ARMC9: variants seen among roughly 807,000 people sequenced by gnomAD.
ARMC9 encodes the protein armadillo repeat containing 9.
In ARMC9, 94 loss-of-function variants were observed where a neutral mutation model predicts 107.0. That is an observed-to-expected ratio of 0.88 (90% CI 0.74 to 1.04). The LOEUF is 1.04. Ranked by LOEUF, ARMC9 falls within the 50% of genes least tolerant of loss-of-function variation. The probability of loss-of-function intolerance (pLI) is 0.00; values close to 1 mark genes in which losing one functional copy is unlikely to be tolerated. For missense variants in ARMC9, 942 were observed against 1,030.1 expected (o/e 0.91, Z 1.17); for synonymous variants, 380 against 396.9 (o/e 0.96, Z 0.51).
intron 1 of ARMC9, among the ~76,000 whole-genome samples, chr2:231,203,385 G>A (rs1038552786): frequency 6.6e-6 from 1 of 152,116 alleles, no homozygotes; most frequent in African/African-American, 2.4e-5. Context: ...TCTGCAGATT[G>A]TGCCTCTTCT....
rs1272533444 is a variant in ARMC9 at position 231,306,539 on chromosome 2, AG to A, written c.1773+10287del. Among the ~76,000 whole-genome samples the A allele has an allele frequency of 2.0e-5, 3 of 152,214 alleles. No individual in the cohort carries two copies. In the East Asian group the frequency reaches 5.8e-4, roughly 29 times the overall value. On this transcript the variant is annotated intron_variant, in intron 19 of 24. Transcript: ENST00000611582. The stretch of plus-strand genomic sequence containing the variant: ...GAAAAATGTGGCTGTTGGTCACATT[AG>A]TGCTATAATGGAATTGTAATGAAAC...
intron 10 of ARMC9, among the ~76,000 whole-genome samples, chr2:231,257,908 C>T (rs559312878): frequency 6.6e-6 from 1 of 152,100 alleles, no homozygotes; most frequent in Non-Finnish European, 1.5e-5. Flanking sequence ...TAAAACAAAA[C>T]GTGAAGACGC....
chr2:231,323,464 G>A (rs1189675209), intron 19 of ARMC9, among the ~76,000 whole-genome samples: 1 of 152,168 alleles, frequency 6.6e-6, no homozygotes, highest in African/African-American at 2.4e-5. Flanking sequence ...AGGTGTTACT[G>A]GGAACGGTTG....
chr2:231,370,001 A>G lies in ARMC9; in HGVS notation c.2310A>G (p.Pro770=). 1 of 1,534,698 alleles carries G rather than the reference A, an allele frequency of 6.5e-7. No individual in the cohort carries two copies. Among genetic ancestry groups the G allele is most frequent in the Non-Finnish European group, 8.7e-7 (1 of 1,146,098 alleles). Residue 770 remains proline, a synonymous_variant, in exon 24 of 25, where the codon CCA becomes CCG. Transcript: ENST00000611582. Reference sequence around the variant, plus strand: ...GCAAGCCCCGGGCCCCCTGCACTCCAGAGATGCTGGACTGGAACCCACCCA... The same window carrying G: ...GCAAGCCCCGGGCCCCCTGCACTCCGGAGATGCTGGACTGGAACCCACCCA... ...FTCKPRAPCT[P]EMLDWNPPKA... is the part of the protein sequence containing the mutation.
At chr2:231,327,839 C>T (rs1050064860) in intron 19 of ARMC9, among the ~76,000 whole-genome samples, 3 of 152,058 alleles carry the variant, frequency 2.0e-5, no homozygotes, top group African/African-American at 7.2e-5. Flanking sequence ...GGCTGGAGTG[C>T]GGTGGCATGA....
At chr2:231,238,334 A>C (rs925807305) in intron 8 of ARMC9, among the ~76,000 whole-genome samples, 1 of 152,134 alleles carries the variant, frequency 6.6e-6, no homozygotes, top group Non-Finnish European at 1.5e-5. Context: ...TAAAAATACA[A>C]GATGAAAAAG....
At chr2:231,244,203 C>T (rs1460256044) in intron 9 of ARMC9, among the ~76,000 whole-genome samples, 1 of 152,080 alleles carries the variant, frequency 6.6e-6, no homozygotes, top group Non-Finnish European at 1.5e-5. Context: ...GGGCTTCTAC[C>T]AACTTACTCA....
chr2:231,215,227 TAAA>T, intron 4 of ARMC9: 1 of 481,980 alleles, frequency 2.1e-6, no homozygotes, highest in South Asian at 4.3e-5. Flanking sequence ...GCTATATTCC[TAAA>T]TACCTCAAGT....
intron 13 of ARMC9, among the ~76,000 whole-genome samples, chr2:231,272,239 G>A (rs1246428999): frequency 7.5e-6 from 1 of 132,576 alleles, no homozygotes; most frequent in African/African-American, 3.0e-5. Flanking sequence ...CAACCAGACT[G>A]GAGTACAGTG....
Position 231,229,537 on chromosome 2 carries a change from G to A in ARMC9, c.622+2739G>A, listed in dbSNP as rs533528691. On this transcript the variant is annotated intron_variant, in intron 7 of 24. Coordinates refer to ENST00000611582, the MANE Select transcript of ARMC9 (RefSeq NM_001352754.2). ...TTATTTTCACCTAGTCACTTAAAAAGGATATAGAAATAGTATCTTTTGGCA... is the reference window on the plus strand; with the variant it reads ...TTATTTTCACCTAGTCACTTAAAAAAGATATAGAAATAGTATCTTTTGGCA... Among the ~76,000 whole-genome samples the A allele has an allele frequency of 5.9e-5, 9 of 152,266 alleles. No homozygotes were observed. In the South Asian group the frequency reaches 1.7e-3, roughly 28 times the overall value.
At chr2:231,257,823 G>A (rs2037973117) in intron 10 of ARMC9, among the ~76,000 whole-genome samples, 1 of 152,190 alleles carries the variant, frequency 6.6e-6, no homozygotes, top group Non-Finnish European at 1.5e-5. Flanking sequence ...ACAGTACTGT[G>A]AACTAGACTG....
chr2:231,261,558 C>G (rs1257354866), intron 11 of ARMC9, among the ~76,000 whole-genome samples: 1 of 152,228 alleles, frequency 6.6e-6, no homozygotes, highest in Non-Finnish European at 1.5e-5. Flanking sequence ...ACTGAGCCCA[C>G]TCCACTGTGC....
At chr2:231,306,953 C>T (rs2042068361) in intron 19 of ARMC9, among the ~76,000 whole-genome samples, 1 of 152,184 alleles carries the variant, frequency 6.6e-6, no homozygotes, top group Admixed American at 6.5e-5. Context: ...GGATGTGGAG[C>T]TCTAGGGTGT....
At chr2:231,344,469 ATTTAGTG>A (rs1406313049) in intron 20 of ARMC9, among the ~76,000 whole-genome samples, 1 of 152,142 alleles carries the variant, frequency 6.6e-6, no homozygotes, top group Non-Finnish European at 1.5e-5. Context: ...CCGATTATCA[ATTTAGTG>A]TTTTACTTAC....
intron 1 of ARMC9, among the ~76,000 whole-genome samples, chr2:231,202,852 A>C (rs974910948): frequency 1.3e-5 from 2 of 152,116 alleles, no homozygotes; most frequent in Non-Finnish European, 2.9e-5. Context: ...AGTGGGCCTT[A>C]ATAAGGACAT....
intron 20 of ARMC9, among the ~76,000 whole-genome samples, chr2:231,336,926 C>T (rs1313659816): frequency 6.6e-6 from 1 of 152,168 alleles, no homozygotes; most frequent in Non-Finnish European, 1.5e-5. Context: ...CTAGGCTGGG[C>T]TCAGACCTGG....
At chr2:231,332,682 G>A (rs985431262) in intron 20 of ARMC9, among the ~76,000 whole-genome samples, 10 of 152,278 alleles carry the variant, frequency 6.6e-5, no homozygotes, top group African/African-American at 1.9e-4. Flanking sequence ...GCCAGGGCCC[G>A]CAGATATCTC....
intron 19 of ARMC9, among the ~76,000 whole-genome samples, chr2:231,331,083 A>G (rs2043701814): frequency 6.6e-6 from 1 of 152,154 alleles, no homozygotes; most frequent in Admixed American, 6.5e-5. Flanking sequence ...TCAAGGGCAC[A>G]ATGACCTGTG....
intron 12 of ARMC9, among the ~76,000 whole-genome samples, chr2:231,265,520 C>T (rs1462389920): frequency 6.6e-6 from 1 of 152,124 alleles, no homozygotes; most frequent in Admixed American, 6.5e-5. Flanking sequence ...CATATGTTCT[C>T]ACTTGTAAGT....
Sources: gnomAD v4.1 joint callset for allele counts (sites outside exome capture counted in the v4.1 genomes callset) on GRCh38, gnomAD v4.1.1 for gene constraint, MANE v1.5 for transcripts, NCBI Gene and HGNC (gene_info 2026-07-23, HGNC 2026-07-21) for gene names.